PARP8: variants seen among roughly 807,000 people sequenced by gnomAD.
The protein encoded by PARP8 is protein mono-ADP-ribosyltransferase PARP8.
A neutral mutation model predicts 124.1 loss-of-function variants in PARP8; 51 were observed. That is an observed-to-expected ratio of 0.41 (90% CI 0.33 to 0.52). The LOEUF is 0.52. Ranked by LOEUF, PARP8 falls within the 20% of genes least tolerant of loss-of-function variation. The pLI, the probability that PARP8 is intolerant of heterozygous loss-of-function variation, is 0.21. For synonymous variants in PARP8, 391 were observed against 361.5 expected (o/e 1.08, Z -0.93); for missense variants, 860 against 1,018.9 (o/e 0.84, Z 2.12).
At position 50,667,158 on chromosome 5, in the gene PARP8, C is replaced by G; in HGVS notation, c.63C>G (p.Ser21=). 6.3e-7 allele frequency: 1 copy of G among 1,596,372 alleles called. No individual in the cohort carries two copies. Among genetic ancestry groups the G allele is most frequent in the Non-Finnish European group, 8.5e-7 (1 of 1,179,762 alleles). Residue 21 remains serine, a synonymous_variant, in exon 1 of 26, where the codon TCC becomes TCG. Coordinates refer to ENST00000281631, the MANE Select transcript of PARP8 (RefSeq NM_024615.4). Reference sequence around the variant, plus strand: ...ATATCGACGTCGTGATCCAGAAGTCCAGAGCTGAGAAGGACTGCCTGTTTG... The same window carrying G: ...ATATCGACGTCGTGATCCAGAAGTCGAGAGCTGAGAAGGACTGCCTGTTTG... ...QKDIDVVIQK[S]RAEKDCLFAD...
At chr5:50,751,580 C>T (rs1759269844) in intron 3 of PARP8, among the ~76,000 whole-genome samples, 1 of 152,074 alleles carries the variant, frequency 6.6e-6, no homozygotes, top group East Asian at 1.9e-4. Flanking sequence ...ATACACTGTC[C>T]AGTGCGCAGT....
intron 3 of PARP8, among the ~76,000 whole-genome samples, chr5:50,753,884 A>T (rs1460856882): frequency 6.6e-6 from 1 of 151,568 alleles, no homozygotes; most frequent in Non-Finnish European, 1.5e-5. Flanking sequence ...AGTTCTATTC[A>T]TCTCTCCCCA....
chr5:50,775,585 T>C (rs564729244), intron 7 of PARP8, among the ~76,000 whole-genome samples: 1 of 152,320 alleles, frequency 6.6e-6, no homozygotes, highest in South Asian at 2.1e-4. Context: ...GGGACAATTT[T>C]TTATTTTTTA....
rs772013590 is a variant in PARP8 at position 50,795,028 on chromosome 5, G to A, written c.1039G>A (p.Asp347Asn). The A allele has an allele frequency of 7.4e-6, 12 of 1,614,194 alleles. No individual in the cohort carries two copies. The highest frequency in any genetic ancestry group is 1.3e-5 in the African/African-American group (1 of 75,042). ...HRTFGRSLSSDPRAEQAMTAI... is the reference protein window; with the variant it reads ...HRTFGRSLSSNPRAEQAMTAI... ...GACCTTTGGCCGCTCCTTGTCCAGC[G>A]ATCCCAGGGCGGAGCAGGCTATGAC... The change falls in exon 12 of 26, where the codon GAT becomes AAT. Residue 347 changes from aspartate (D) to asparagine (N), a missense_variant. By Grantham distance (23) the Asp-to-Asn change is conservative. Transcript: ENST00000281631.
intron 2 of PARP8, among the ~76,000 whole-genome samples, chr5:50,710,516 A>T (rs1256147300): frequency 6.6e-6 from 1 of 152,080 alleles, no homozygotes; most frequent in Non-Finnish European, 1.5e-5. Flanking sequence ...TTTTTTCTAA[A>T]TTAAATAAAC....
chr5:50,762,777 C>T (rs1037755858), intron 6 of PARP8, among the ~76,000 whole-genome samples: 1 of 152,140 alleles, frequency 6.6e-6, no homozygotes, highest in African/African-American at 2.4e-5. Flanking sequence ...ACCAGTATAA[C>T]ATTTTAACAT....
rs200521595 is a variant in PARP8 at position 50,709,922 on chromosome 5, G to GTATA, written c.147-40198_147-40195dup. On this transcript the variant is annotated intron_variant, in intron 2 of 25. Coordinates refer to ENST00000281631, the MANE Select transcript of PARP8 (RefSeq NM_024615.4). The stretch of plus-strand genomic sequence containing the variant: ...TATGAGAATATGAGGTAGAAAGAGT[G>GTATA]TATATATATATATATATATATATAT... 7.8e-3 allele frequency among the ~76,000 whole-genome samples: 731 copies of GTATA among 93,860 alleles called. 8 individuals are homozygous for GTATA. Among genetic ancestry groups the GTATA allele is most frequent in the African/African-American group, 0.026 (645 of 24,804 alleles). 61.6% of individuals were successfully genotyped at this position (93,860 alleles called of 152,430 possible). A position where few individuals can be genotyped will look rare whatever the true frequency, so the allele number is the denominator to read the frequency against.
At chr5:50,788,397 A>G in intron 9 of PARP8, 126 bp from the exon 10 acceptor site, 2 of 732,446 alleles carry the variant, frequency 2.7e-6, no homozygotes, top group Non-Finnish European at 4.7e-6. Flanking sequence ...TTAGGACTGC[A>G]TGTACACTGT....
rs189685912 is a variant in PARP8 at position 50,751,840 on chromosome 5, T to C, written c.184+1652T>C. Among the ~76,000 whole-genome samples the C allele has an allele frequency of 4.2e-4, 64 of 152,276 alleles. 2 individuals carry two copies. The East Asian group carries it at 0.012, about 28-fold the overall frequency. ...TATGGAGCTTTCTTCACAGTGAAAT[T>C]AATATGATAATGTTTTCCCCATTAT... On this transcript the variant is annotated intron_variant, in intron 3 of 25. Transcript: ENST00000281631.
In PARP8 at chr5:50,792,183, C is replaced by T. The variant is rs117517475; in HGVS notation, c.738-2024C>T. ...CCAATCACTGGCAATGGTAGTAGTT[C>T]CTTTTGGTGCCAGCACAATAGTAAA... is the stretch of plus-strand genomic sequence containing the variant. On this transcript the variant is annotated intron_variant, in intron 10 of 25. Transcript: ENST00000281631. 1.0e-3 allele frequency among the ~76,000 whole-genome samples: 157 copies of T among 152,124 alleles called. 1 individual carries two copies. The East Asian group carries it at 0.03, about 29-fold the overall frequency.
intron 7 of PARP8, among the ~76,000 whole-genome samples, chr5:50,775,503 C>T (rs905104943): frequency 3.9e-5 from 6 of 152,068 alleles, no homozygotes; most frequent in Non-Finnish European, 5.9e-5. Flanking sequence ...TGCGGCGAGC[C>T]GAGATCAAGG....
chr5:50,717,003 A>T (rs1755385399), intron 2 of PARP8, among the ~76,000 whole-genome samples: 1 of 152,118 alleles, frequency 6.6e-6, no homozygotes. Flanking sequence ...ACAGCAATGA[A>T]CAAGGCAAGG....
At chr5:50,732,304 T>G (rs1414187985) in intron 2 of PARP8, among the ~76,000 whole-genome samples, 2 of 152,214 alleles carry the variant, frequency 1.3e-5, no homozygotes, top group Non-Finnish European at 2.9e-5. Context: ...AAGGGAACCT[T>G]ATAACAAGCA....
chr5:50,732,069 A>G (rs1453814759), intron 2 of PARP8, among the ~76,000 whole-genome samples: 1 of 152,236 alleles, frequency 6.6e-6, no homozygotes, highest in Non-Finnish European at 1.5e-5. Context: ...GAAGCACATT[A>G]GGCCACCAGG....
At chr5:50,740,468 G>A (rs1245881231) in intron 2 of PARP8, among the ~76,000 whole-genome samples, 2 of 152,158 alleles carry the variant, frequency 1.3e-5, no homozygotes, top group Non-Finnish European at 1.5e-5. Flanking sequence ...GGAGCACAGT[G>A]AGGCAAGACA....
chr5:50,827,797 T>C lies in PARP8; in HGVS notation c.1978-147T>C, dbSNP rs991559000. ...CTTGCGTAGAGTTTTAAAAACATTATACAAATTAGCTTGCTAATGTGGTTA... is the reference window on the plus strand; with the variant it reads ...CTTGCGTAGAGTTTTAAAAACATTACACAAATTAGCTTGCTAATGTGGTTA... On this transcript the variant is annotated intron_variant, in intron 19 of 25. Transcript: ENST00000281631. The C allele has an allele frequency of 3.9e-5, 24 of 619,852 alleles. No homozygotes were observed. The Admixed American group carries it at 7.1e-4, about 18-fold the overall frequency. 38.4% of individuals were successfully genotyped at this position (619,852 alleles called of 1,614,324 possible).
intron 3 of PARP8, among the ~76,000 whole-genome samples, chr5:50,756,469 A>G (rs1759969570): frequency 6.6e-6 from 1 of 152,156 alleles, no homozygotes; most frequent in Non-Finnish European, 1.5e-5. Flanking sequence ...ATTTAGAAGT[A>G]ATTAAGCAAG....
chr5:50,765,875 A>AGT (rs1464944975), intron 7 of PARP8, among the ~76,000 whole-genome samples: 1 of 152,232 alleles, frequency 6.6e-6, no homozygotes, highest in Non-Finnish European at 1.5e-5. Context: ...TCTGTTGAAA[A>AGT]CAGACTGTTC....
chr5:50,775,457 A>T (rs1445138222), intron 7 of PARP8, among the ~76,000 whole-genome samples: 2 of 152,104 alleles, frequency 1.3e-5, no homozygotes, highest in African/African-American at 4.8e-5. Context: ...CGGCAGGCTG[A>T]GGCAGGAGAA....
Sources: allele counts gnomAD v4.1 joint callset (sites outside exome capture counted in the v4.1 genomes callset), GRCh38; gene constraint gnomAD v4.1.1; transcripts MANE v1.5; gene names NCBI Gene and HGNC (gene_info 2026-07-23, HGNC 2026-07-21).